RB1: variants seen among roughly 807,000 people sequenced by gnomAD.
The protein encoded by RB1 is RB transcriptional corepressor 1.
In RB1, 18 loss-of-function variants were observed where a neutral mutation model predicts 135.4. That is an observed-to-expected ratio of 0.13 (90% CI 0.09 to 0.20). RB1 has a LOEUF of 0.20. RB1 is among the 10% of genes least tolerant of loss of function. The probability of loss-of-function intolerance (pLI) is 1.00; values close to 1 mark genes in which losing one functional copy is unlikely to be tolerated. For missense variants in RB1, 868 were observed against 1,110.0 expected, an observed-to-expected ratio of 0.78 and a Z score of 3.10; for synonymous variants, 365 against 373.2, an observed-to-expected ratio of 0.98 and a Z score of 0.25.
chr13:48,452,950 T>A (rs766760719), intron 17 of RB1, 43 bp from the exon 18 acceptor site: 2 of 1,607,772 alleles, frequency 1.2e-6, no homozygotes, highest in South Asian at 1.1e-5. Context: ...CTGGGAAAAT[T>A]ATGCTTACTA....
chr13:48,318,758 G>A, intron 2 of RB1: 1 of 677,008 alleles, frequency 1.5e-6, no homozygotes, highest in Non-Finnish European at 2.6e-6. Context: ...GGGCCTTGGG[G>A]CCACTGGTCT....
chr13:48,316,749 A>T (rs1208722175), intron 2 of RB1: 1 of 156,032 alleles, frequency 6.4e-6, no homozygotes. Flanking sequence ...ACACACACAC[A>T]CACACACACA....
chr13:48,363,837 CTTA>C (rs1952666591), intron 8 of RB1, among the ~76,000 whole-genome samples: 2 of 152,132 alleles, frequency 1.3e-5, no homozygotes, highest in Admixed American at 1.3e-4. Flanking sequence ...GGACTGATAG[CTTA>C]TTATTTACAG....
chr13:48,478,066 T>C (rs572776054), intron 26 of RB1, among the ~76,000 whole-genome samples: 2 of 152,192 alleles, frequency 1.3e-5, no homozygotes, highest in South Asian at 2.1e-4. Flanking sequence ...TAGGTAGTTA[T>C]GGTAGTGAGT....
At chr13:48,477,291 C>T in intron 25 of RB1, 64 bp from the exon 26 acceptor site, 1 of 1,194,452 alleles carries the variant, frequency 8.4e-7, no homozygotes, top group Non-Finnish European at 1.2e-6. Flanking sequence ...ATCATAGTTA[C>T]TGGAAATTTG....
chr13:48,476,581 AT>A, intron 24 of RB1, 119 bp from the exon 25 acceptor site: 2 of 1,045,362 alleles, frequency 1.9e-6, no homozygotes, highest in Non-Finnish European at 2.8e-6. Flanking sequence ...GAAGCAGAAA[AT>A]TTAAATGAAG....
At chr13:48,327,953 C>G (rs1422475977) in intron 2 of RB1, 7 of 527,672 alleles carry the variant, frequency 1.3e-5, no homozygotes, top group Non-Finnish European at 2.4e-5. Flanking sequence ...GTGTACCACT[C>G]AATCTTTTAA....
Position 48,380,257 on chromosome 13 carries a change from A to G in RB1, c.1498+16A>G, listed in dbSNP as rs1357693919. 8.4e-6 allele frequency: 13 copies of G among 1,539,794 alleles called. No individual in the cohort carries two copies. Among genetic ancestry groups the G allele is most frequent in the African/African-American group, 1.4e-5 (1 of 73,210 alleles). ...ACATATAGCAGTAAGTTAAATTTTC[A>G]TAAATAAACACTTTTGTTCAATTTA... On this transcript the variant is annotated intron_variant, in intron 16 of 26. Transcript: ENST00000267163.
intron 17 of RB1, chr13:48,424,141 TAAAC>T (rs1211038076): frequency 6.6e-6 from 1 of 152,476 alleles, no homozygotes; most frequent in Non-Finnish European, 1.5e-5. Flanking sequence ...TAGAAACAAA[TAAAC>T]CTTTTTCAAT....
At chr13:48,320,401 A>C in intron 2 of RB1, 1 of 1,154,850 alleles carries the variant, frequency 8.7e-7, no homozygotes, top group Non-Finnish European at 1.3e-6. Context: ...GGGGAACCTA[A>C]AGCTCCCTGG....
At chr13:48,397,480 C>T (rs1289846848) in intron 17 of RB1, among the ~76,000 whole-genome samples, 1 of 152,060 alleles carries the variant, frequency 6.6e-6, no homozygotes, top group East Asian at 1.9e-4. Context: ...ACATCACACA[C>T]CGGGGCCTGT....
chr13:48,321,521 A>G (rs1952240774), intron 2 of RB1, among the ~76,000 whole-genome samples: 1 of 151,624 alleles, frequency 6.6e-6, no homozygotes. Flanking sequence ...GATGTTGAGT[A>G]TTTTTCATGT....
intron 23 of RB1, among the ~76,000 whole-genome samples, chr13:48,465,873 G>A (rs1216156756): frequency 6.6e-6 from 1 of 150,446 alleles, no homozygotes; most frequent in Admixed American, 6.6e-5. Flanking sequence ...GGCGCACCAC[G>A]AGACTATATC....
intron 2 of RB1, chr13:48,333,148 A>G (rs1952351422): frequency 2.5e-6 from 1 of 397,666 alleles, no homozygotes; most frequent in Non-Finnish European, 4.4e-6. Flanking sequence ...ATCACATTGA[A>G]CACCTTAAAT....
At chr13:48,313,857 T>G (rs1593418170) in intron 2 of RB1, among the ~76,000 whole-genome samples, 1 of 150,208 alleles carries the variant, frequency 6.7e-6, no homozygotes, top group South Asian at 2.2e-4. Context: ...CATGCCATTC[T>G]CCTGCCTCAG....
At chr13:48,405,918 T>G (rs576509520) in intron 17 of RB1, among the ~76,000 whole-genome samples, 1 of 152,318 alleles carries the variant, frequency 6.6e-6, no homozygotes, top group South Asian at 2.1e-4. Context: ...CTTTTTTTCA[T>G]TTAACACTAC....
At chr13:48,390,247 A>G (rs1263625787) in intron 17 of RB1, among the ~76,000 whole-genome samples, 1 of 152,200 alleles carries the variant, frequency 6.6e-6, no homozygotes, top group Non-Finnish European at 1.5e-5. Flanking sequence ...AGTTGAACGT[A>G]ATGAATTTAA....
intron 23 of RB1, among the ~76,000 whole-genome samples, chr13:48,472,794 A>G (rs1016628284): frequency 6.6e-6 from 1 of 152,134 alleles, no homozygotes; most frequent in Admixed American, 6.5e-5. Context: ...TTCCATGTTC[A>G]TGTTTTCAAA....
At chr13:48,339,300 T>C (rs1296732342) in intron 2 of RB1, among the ~76,000 whole-genome samples, 2 of 152,240 alleles carry the variant, frequency 1.3e-5, no homozygotes, top group East Asian at 3.9e-4. Flanking sequence ...GCAGGCCTCC[T>C]TGACCTGCGG....
Sources: gnomAD v4.1 joint callset for allele counts (sites outside exome capture counted in the v4.1 genomes callset) on GRCh38, gnomAD v4.1.1 for gene constraint, MANE v1.5 for transcripts, NCBI Gene and HGNC (gene_info 2026-07-23, HGNC 2026-07-21) for gene names.